The following CCDC83 variants were observed in gnomAD, a reference collection of about 807,000 sequenced individuals.
The protein encoded by CCDC83 is coiled-coil domain containing 83.
In CCDC83, 54 loss-of-function variants were observed where a neutral mutation model predicts 50.1. The ratio of observed to expected loss-of-function variants is 1.08; its 90% CI spans 0.87 to 1.35. CCDC83 has a LOEUF of 1.35. Ranked by LOEUF, CCDC83 falls within the 40% of genes most tolerant of loss-of-function variation. The probability of loss-of-function intolerance (pLI) is 0.00; values close to 1 mark genes in which losing one functional copy is unlikely to be tolerated. For missense variants in CCDC83, 518 were observed against 473.9 expected (o/e 1.09, Z -0.86); for synonymous variants, 161 against 153.3 (o/e 1.05, Z -0.37).
chr11:85,901,063 TA>T (rs370561060), intron 7 of CCDC83, among the ~76,000 whole-genome samples: 46,987 of 135,866 alleles, frequency 0.35, 7,706 homozygotes, highest in African/African-American at 0.4. Context: ...AGACCCTGTC[TA>T]AAAAAAAAAA....
intron 2 of CCDC83, among the ~76,000 whole-genome samples, chr11:85,869,678 T>A (rs75532299): frequency 0.017 from 2,554 of 152,342 alleles, 63 homozygotes; most frequent in African/African-American, 0.056. Context: ...TGCTTTATTA[T>A]CACCCCACTT....
intron 7 of CCDC83, among the ~76,000 whole-genome samples, chr11:85,904,633 T>C (rs2093416942): frequency 6.6e-6 from 1 of 152,232 alleles, no homozygotes; most frequent in Non-Finnish European, 1.5e-5. Context: ...TCCTCGTCTC[T>C]GGAACTACAT....
intron 4 of CCDC83, 87 bp downstream of exon 4, chr11:85,882,762 A>G: frequency 8.0e-7 from 1 of 1,253,560 alleles, no homozygotes; most frequent in Non-Finnish European, 1.1e-6. Context: ...AATATGTTCA[A>G]AATGCTGTTA....
chr11:85,884,279 A>T (rs577286408), intron 4 of CCDC83, among the ~76,000 whole-genome samples: 4 of 152,274 alleles, frequency 2.6e-5, no homozygotes, highest in African/African-American at 9.6e-5. Context: ...TCTGGAAAAC[A>T]TTTCCGAGGT....
Position 85,895,318 on chromosome 11 carries a change from T to C in CCDC83, c.537T>C (p.Asp179=), listed in dbSNP as rs1345659310. The part of the protein sequence containing the change: ...MSEHYKITLE[D]TRKKIIKETL... ...AACACTATAAAATCACTCTGGAAGA[T>C]ACTAGAAAGAAAATAATCAAGGAAA... Residue 179 remains aspartate, a synonymous_variant, in exon 6 of 11, where the codon GAT becomes GAC. Coordinates refer to ENST00000342404, the MANE Select transcript of CCDC83 (RefSeq NM_001286159.2). The C allele has an allele frequency of 2.7e-6, 3 of 1,114,142 alleles. No homozygotes were observed. Among genetic ancestry groups the C allele is most frequent in the Non-Finnish European group, 3.9e-6 (3 of 778,196 alleles). The allele number at this position is 1,114,142 out of a possible 1,614,324, so 69.0% of individuals were successfully genotyped here.
At chr11:85,860,189 C>G (rs2093167464) in intron 1 of CCDC83, among the ~76,000 whole-genome samples, 1 of 151,412 alleles carries the variant, frequency 6.6e-6, no homozygotes, top group South Asian at 2.1e-4. Context: ...GTAGTCCCAG[C>G]TACTCGGGAG....
At chr11:85,894,580 T>C (rs2093364149) in intron 5 of CCDC83, among the ~76,000 whole-genome samples, 1 of 152,218 alleles carries the variant, frequency 6.6e-6, no homozygotes, top group Non-Finnish European at 1.5e-5. Context: ...TTCTTCCTCA[T>C]ACACATCACC....
At chr11:85,909,015 C>A (rs558466910) in intron 7 of CCDC83, among the ~76,000 whole-genome samples, 67 of 152,280 alleles carry the variant, frequency 4.4e-4, no homozygotes, top group African/African-American at 1.5e-3. Context: ...CTCACTGTAA[C>A]ATTGAACTTC....
chr11:85,882,733 A>G (rs1373894436), intron 4 of CCDC83, 58 bp downstream of exon 4: 19 of 1,461,044 alleles, frequency 1.3e-5, no homozygotes, highest in Non-Finnish European at 1.1e-5. Context: ...TCTTGAATAT[A>G]TTAATGCTTT....
intron 7 of CCDC83, among the ~76,000 whole-genome samples, chr11:85,899,935 T>C (rs1480870024): frequency 6.6e-6 from 1 of 152,094 alleles, no homozygotes; most frequent in Admixed American, 6.5e-5. Flanking sequence ...ATTATAAAAA[T>C]ACAAAAAGAA....
intron 6 of CCDC83, among the ~76,000 whole-genome samples, chr11:85,898,496 G>A (rs1200950868): frequency 1.3e-5 from 2 of 152,156 alleles, no homozygotes; most frequent in Non-Finnish European, 2.9e-5. Context: ...ACTACTTGCT[G>A]TTAGATTTAC....
At chr11:85,875,611 G>A (rs2093264824) in intron 3 of CCDC83, among the ~76,000 whole-genome samples, 1 of 152,196 alleles carries the variant, frequency 6.6e-6, no homozygotes. Context: ...CAGCAATCCA[G>A]TCTTACTTCT....
In CCDC83 at chr11:85,858,567, T is replaced by C. The variant is rs117994918; in HGVS notation, c.-29+2983T>C. On this transcript the variant is annotated intron_variant, in intron 1 of 10. Transcript: ENST00000342404. ...ACTGTTCCAAGTGTGGCAGGGGGAATTGAGAGGCCCCTCCTCAAGCCTTGG... is the reference window on the plus strand; with the variant it reads ...ACTGTTCCAAGTGTGGCAGGGGGAACTGAGAGGCCCCTCCTCAAGCCTTGG... Among the ~76,000 whole-genome samples, 837 of 152,230 alleles carry C rather than the reference T, an allele frequency of 5.5e-3. 5 individuals are homozygous for C. The highest frequency in any genetic ancestry group is 0.028 in the South Asian group (136 of 4,814).
chr11:85,860,581 T>C lies in CCDC83; in HGVS notation c.-28-4515T>C, dbSNP rs188908599. 3.2e-4 allele frequency among the ~76,000 whole-genome samples: 48 copies of C among 152,288 alleles called. No individual in the cohort carries two copies. In the East Asian group the frequency reaches 8.7e-3, roughly 28 times the overall value. Reference sequence around the variant, plus strand: ...GAACACGTGGAAAGCAGTGTGAAGATTTCTCAAAGAACTTAAAACAGAAAT... The same window carrying C: ...GAACACGTGGAAAGCAGTGTGAAGACTTCTCAAAGAACTTAAAACAGAAAT... On this transcript the variant is annotated intron_variant, in intron 1 of 10. Transcript: ENST00000342404.
At chr11:85,865,288 T>C in intron 2 of CCDC83, 70 bp downstream of exon 2, 1 of 926,362 alleles carries the variant, frequency 1.1e-6, no homozygotes, top group Non-Finnish European at 1.8e-6. Context: ...CTCATATAAC[T>C]GCAAATGCAA....
chr11:85,877,500 TA>T (rs1431040892), intron 3 of CCDC83, among the ~76,000 whole-genome samples: 2 of 152,238 alleles, frequency 1.3e-5, no homozygotes, highest in South Asian at 2.1e-4. Flanking sequence ...CAATTTTTTT[TA>T]AATTTTGTAA....
At chr11:85,870,637 G>A (rs753438437) in intron 2 of CCDC83, among the ~76,000 whole-genome samples, 2 of 152,048 alleles carry the variant, frequency 1.3e-5, no homozygotes, top group African/African-American at 2.4e-5. Flanking sequence ...CTTGAGCCCA[G>A]GAGTTCAAGC....
chr11:85,908,551 T>TAGATAGATAGACAGATAGATAGA (rs1554985151), intron 7 of CCDC83, among the ~76,000 whole-genome samples: 6 of 137,420 alleles, frequency 4.4e-5, no homozygotes, highest in African/African-American at 1.7e-4. Context: ...GACTAGATGA[T>TAGATAGATAGACAGATAGATAGA]TAGATAGATA....
chr11:85,911,171 C>G (rs1397372840), intron 7 of CCDC83, 110 bp from the exon 8 acceptor site: 3 of 850,184 alleles, frequency 3.5e-6, no homozygotes, highest in Non-Finnish European at 4.6e-6. Flanking sequence ...AACTCCGTCT[C>G]AAATAAAAAA....
Sources: gnomAD v4.1 joint callset for allele counts (sites outside exome capture counted in the v4.1 genomes callset) on GRCh38, gnomAD v4.1.1 for gene constraint, MANE v1.5 for transcripts, NCBI Gene and HGNC (gene_info 2026-07-23, HGNC 2026-07-21) for gene names.